The following KHDRBS2 variants were observed in gnomAD, a reference collection of about 807,000 sequenced individuals.
KHDRBS2 encodes KH RNA binding domain containing, signal transduction associated 2, also known as KH domain-containing, RNA-binding, signal transduction-associated protein 2.
In KHDRBS2, 26 loss-of-function variants were observed where a neutral mutation model predicts 44.3. The ratio of observed to expected loss-of-function variants is 0.59; its 90% CI spans 0.43 to 0.81. The LOEUF (loss-of-function observed/expected upper bound fraction) is 0.81. Ranked by LOEUF, KHDRBS2 falls within the 40% of genes least tolerant of loss-of-function variation. The probability of loss-of-function intolerance (pLI) is 0.00; values close to 1 mark genes in which losing one functional copy is unlikely to be tolerated. For synonymous variants in KHDRBS2, 194 were observed against 151.1 expected (o/e 1.28, Z -2.08); for missense variants, 476 against 433.1 (o/e 1.10, Z -0.88).
At chr6:61,723,203 A>G (rs1056973360) in intron 7 of KHDRBS2, among the ~76,000 whole-genome samples, 1 of 152,078 alleles carries the variant, frequency 6.6e-6, no homozygotes, top group African/African-American at 2.4e-5. Context: ...TAATATCAAC[A>G]AAAAGAACCC....
chr6:61,948,761 C>G (rs1292761392), intron 4 of KHDRBS2, among the ~76,000 whole-genome samples: 3 of 151,446 alleles, frequency 2.0e-5, no homozygotes, highest in African/African-American at 7.3e-5. Context: ...GATCCTCCAC[C>G]TCAGCCTCCC....
intron 3 of KHDRBS2, among the ~76,000 whole-genome samples, chr6:62,031,751 C>G (rs747610525): frequency 2.6e-5 from 4 of 152,024 alleles, no homozygotes. Flanking sequence ...AGGTTTTTGA[C>G]TCTAGTGCCA....
intron 1 of KHDRBS2, among the ~76,000 whole-genome samples, chr6:62,254,467 G>A (rs1466778725): frequency 1.3e-5 from 2 of 152,152 alleles, no homozygotes; most frequent in East Asian, 3.9e-4. Flanking sequence ...GAGGTTACTT[G>A]ATTTATACCA....
the KHDRBS2 span, among the ~76,000 whole-genome samples, chr6:61,668,485 G>GA: frequency 5.6e-3 from 843 of 151,086 alleles, 10 homozygotes; most frequent in African/African-American, 0.019. Context: ...TTCTGAGACA[G>GA]AAAAAAGAAG....
the KHDRBS2 span, among the ~76,000 whole-genome samples, chr6:61,623,530 T>G: frequency 6.6e-6 from 1 of 152,322 alleles, no homozygotes; most frequent in South Asian, 2.1e-4. Flanking sequence ...CCACTCAGTA[T>G]TACTTATTAG....
At chr6:61,598,837 C>CTT in the KHDRBS2 span, among the ~76,000 whole-genome samples, 2,500 of 65,328 alleles carry the variant, frequency 0.038, 63 homozygotes, top group Middle Eastern at 0.11. Flanking sequence ...TTTTTCTTTT[C>CTT]TTTTTTTTTT....
chr6:62,136,893 TG>T (rs1412215614), intron 2 of KHDRBS2, among the ~76,000 whole-genome samples: 1 of 152,132 alleles, frequency 6.6e-6, no homozygotes, highest in African/African-American at 2.4e-5. Context: ...AAGTTGGCTT[TG>T]TTTCTCTATT....
At chr6:61,883,562 A>G (rs1800507766) in intron 6 of KHDRBS2, among the ~76,000 whole-genome samples, 2 of 152,186 alleles carry the variant, frequency 1.3e-5, no homozygotes, top group Admixed American at 6.6e-5. Context: ...TAACACTAGA[A>G]GAAGGATGGC....
chr6:62,033,979 G>C (rs756820327), intron 3 of KHDRBS2, among the ~76,000 whole-genome samples: 1 of 151,632 alleles, frequency 6.6e-6, no homozygotes, highest in Admixed American at 6.6e-5. Context: ...GATGAAAAAG[G>C]AGACATTACA....
chr6:62,249,266 A>G (rs1384703850), intron 1 of KHDRBS2, among the ~76,000 whole-genome samples: 1 of 152,128 alleles, frequency 6.6e-6, no homozygotes, highest in Non-Finnish European at 1.5e-5. Flanking sequence ...ACTGATTAAA[A>G]GTACAGAAAA....
At chr6:62,048,788 A>G (rs1200698112) in intron 2 of KHDRBS2, among the ~76,000 whole-genome samples, 1 of 151,962 alleles carries the variant, frequency 6.6e-6, no homozygotes, top group Non-Finnish European at 1.5e-5. Flanking sequence ...TTTCCAAACC[A>G]AATGACCGAG....
chr6:61,779,047 G>A (rs1782531657), intron 6 of KHDRBS2, among the ~76,000 whole-genome samples: 1 of 152,112 alleles, frequency 6.6e-6, no homozygotes. Context: ...GGAAAGAACT[G>A]GGGGCATTTA....
chr6:62,250,705 C>G (rs1018394205), intron 1 of KHDRBS2, among the ~76,000 whole-genome samples: 1 of 151,788 alleles, frequency 6.6e-6, no homozygotes, highest in Admixed American at 6.6e-5. Context: ...GATGCTAAAT[C>G]TAGGAGAAAC....
intron 4 of KHDRBS2, among the ~76,000 whole-genome samples, chr6:61,957,871 G>A (rs375168387): frequency 6.6e-6 from 1 of 152,102 alleles, no homozygotes; most frequent in East Asian, 1.9e-4. Context: ...TGCTCAGGGA[G>A]CATCATGGAA....
chr6:61,544,656 G>T, the KHDRBS2 span, among the ~76,000 whole-genome samples: 2 of 152,028 alleles, frequency 1.3e-5, no homozygotes, highest in Admixed American at 6.6e-5. Flanking sequence ...TAGATAAGAG[G>T]CTCAGTAAGG....
At chr6:61,552,591 T>G in the KHDRBS2 span, among the ~76,000 whole-genome samples, 1 of 152,180 alleles carries the variant, frequency 6.6e-6, no homozygotes, top group Non-Finnish European at 1.5e-5. Context: ...GCAAGGAGAA[T>G]GCTTTCAACT....
rs546504312 is a variant in KHDRBS2 at position 62,062,198 on chromosome 6, T to A, written c.220-14204A>T. ...ATAATGGGAGACTTTAACACCCCAC[T>A]GTCAACATTAGACAGATCAACGAGA... is the stretch of plus-strand genomic sequence containing the variant. On this transcript the variant is annotated intron_variant, in intron 2 of 8. Transcript: ENST00000281156. Among the ~76,000 whole-genome samples, 53 of 148,826 alleles carry A rather than the reference T, an allele frequency of 3.6e-4. 1 individual carries two copies. The highest frequency in any genetic ancestry group is 1.2e-3 in the African/African-American group (48 of 40,366).
intron 6 of KHDRBS2, among the ~76,000 whole-genome samples, chr6:61,791,432 T>G (rs1482800149): frequency 1.3e-5 from 2 of 151,614 alleles, no homozygotes; most frequent in Non-Finnish European, 3.0e-5. Context: ...AAGATTTTTA[T>G]TATCATTGAA....
chr6:61,546,726 G>A, the KHDRBS2 span, among the ~76,000 whole-genome samples: 1 of 152,008 alleles, frequency 6.6e-6, no homozygotes, highest in African/African-American at 2.4e-5. Flanking sequence ...TATTCTCAAA[G>A]CAAAAATTAT....
Sources: allele counts gnomAD v4.1 joint callset (sites outside exome capture counted in the v4.1 genomes callset), GRCh38; gene constraint gnomAD v4.1.1; transcripts MANE v1.5; gene names NCBI Gene and HGNC (gene_info 2026-07-23, HGNC 2026-07-21).